ARPC1A: variants seen among roughly 807,000 people sequenced by gnomAD.
ARPC1A encodes the protein actin-related protein 2/3 complex subunit 1A.
ARPC1A carries 8 observed loss-of-function variants against 46.9 expected under a neutral mutation model. The observed-to-expected ratio is 0.17, with a 90% CI of 0.10 to 0.31. ARPC1A has a LOEUF of 0.31. ARPC1A is among the 10% of genes least tolerant of loss of function. The pLI, the probability that ARPC1A is intolerant of heterozygous loss-of-function variation, is 1.00. For missense variants in ARPC1A, 286 were observed against 483.6 expected, an observed-to-expected ratio of 0.59 and a Z score of 3.83; for synonymous variants, 152 against 169.0, an observed-to-expected ratio of 0.90 and a Z score of 0.78.
intron 8 of ARPC1A, among the ~76,000 whole-genome samples, chr7:99,360,965 C>T (rs1793730511): frequency 6.7e-6 from 1 of 148,302 alleles, no homozygotes; most frequent in Admixed American, 6.7e-5. Flanking sequence ...AAAAAGGCAC[C>T]TGGAGGAGAA....
Position 99,363,527 on chromosome 7 carries a change from C to T in ARPC1A, c.984-16C>T. On this transcript the variant is annotated splice_polypyrimidine_tract_variant and intron_variant, in intron 8 of 9. Transcript: ENST00000262942. ...ACTACATACCTTACGATCTCTTTTG[C>T]TTTGCTTTTTTTCAGTCAAGTCTCT... 1 of 1,602,128 alleles carries T rather than the reference C, an allele frequency of 6.2e-7. No homozygotes were observed. The highest frequency in any genetic ancestry group is 8.5e-7 in the Non-Finnish European group (1 of 1,170,426).
chr7:99,352,394 C>G (rs1793557953), intron 5 of ARPC1A, among the ~76,000 whole-genome samples: 1 of 152,146 alleles, frequency 6.6e-6, no homozygotes, highest in African/African-American at 2.4e-5. Context: ...CAGTGGCACA[C>G]ATCTGTAATC....
At position 99,339,681 on chromosome 7, in the gene ARPC1A, T is replaced by G. The variant is rs73709642; in HGVS notation, c.169+1396T>G. 9.5e-3 allele frequency among the ~76,000 whole-genome samples: 1,443 copies of G among 152,336 alleles called. 18 individuals carry two copies. The highest frequency in any genetic ancestry group is 0.033 in the African/African-American group (1,375 of 41,564). On this transcript the variant is annotated intron_variant, in intron 3 of 9. Coordinates refer to ENST00000262942, the MANE Select transcript of ARPC1A (RefSeq NM_006409.4). ...TCTATGTTGCTGTCTAGATCAAGTT[T>G]ATTCCTTTTAACCACTCTTTAGCAT...
chr7:99,331,887 C>G (rs1166835246), intron 1 of ARPC1A, among the ~76,000 whole-genome samples: 1 of 152,154 alleles, frequency 6.6e-6, no homozygotes. Flanking sequence ...CCACTGTACT[C>G]CAGTCTGGGC....
At chr7:99,340,440 G>GGT (rs1793338846) in intron 3 of ARPC1A, among the ~76,000 whole-genome samples, 1 of 145,854 alleles carries the variant, frequency 6.9e-6, no homozygotes, top group African/African-American at 2.6e-5. Context: ...TGAGATTACA[G>GGT]GTGTGACCCT....
chr7:99,348,278 C>T (rs1042830246), intron 4 of ARPC1A, among the ~76,000 whole-genome samples: 1 of 152,160 alleles, frequency 6.6e-6, no homozygotes, highest in Non-Finnish European at 1.5e-5. Context: ...CGAAATCTCA[C>T]GAAAACATAA....
rs566458567 is a variant in ARPC1A at position 99,356,421 on chromosome 7, A to T, written c.714-1919A>T. 9.3e-4 allele frequency among the ~76,000 whole-genome samples: 140 copies of T among 150,808 alleles called. 1 individual carries two copies. The highest frequency in any genetic ancestry group is 3.2e-3 in the African/African-American group (132 of 41,066). ...GGAGTTCGAGACCAGCATGGCCAACATGGAGAAACCCCGCCTCTACTAAAA... is the reference window on the plus strand; with the variant it reads ...GGAGTTCGAGACCAGCATGGCCAACTTGGAGAAACCCCGCCTCTACTAAAA... On this transcript the variant is annotated intron_variant, in intron 6 of 9. Transcript: ENST00000262942.
chr7:99,363,366 G>C (rs1793774539), intron 8 of ARPC1A, 177 bp from the exon 9 acceptor site: 2 of 574,754 alleles, frequency 3.5e-6, no homozygotes, highest in Non-Finnish European at 6.1e-6. Context: ...GATCACTTGA[G>C]CCCAGGAGTT....
At chr7:99,335,480 T>C (rs1182308910) in intron 2 of ARPC1A, 2 of 388,050 alleles carry the variant, frequency 5.2e-6, no homozygotes, top group African/African-American at 4.4e-5. Flanking sequence ...TACTATAGCT[T>C]GGTGGTAAGT....
rs1793833768 is a variant in ARPC1A at position 99,365,943 on chromosome 7, T to C, written c.*14T>C. On this transcript the variant is annotated 3_prime_UTR_variant, in exon 10 of 10. Coordinates refer to ENST00000262942, the MANE Select transcript of ARPC1A (RefSeq NM_006409.4). ...CGGATAATGTGAAGCTGAGTGAGCCTCCGCCATCCAGCATGACAAACTGTG... is the reference window on the plus strand; with the variant it reads ...CGGATAATGTGAAGCTGAGTGAGCCCCCGCCATCCAGCATGACAAACTGTG... 2 of 1,567,050 alleles carry C rather than the reference T, an allele frequency of 1.3e-6. No homozygotes were observed. The highest frequency in any genetic ancestry group is 1.9e-5 in the Admixed American group (1 of 53,356).
chr7:99,344,575 G>T, intron 4 of ARPC1A, 60 bp downstream of exon 4: 1 of 1,531,456 alleles, frequency 6.5e-7, no homozygotes, highest in Non-Finnish European at 9.0e-7. Context: ...GCACTGCTGT[G>T]TGAGGGCTCA....
In ARPC1A at chr7:99,353,457, C is replaced by CTTATTTATTTATTTAT. The variant is rs56733844; in HGVS notation, c.501-430_501-415dup. On this transcript the variant is annotated intron_variant, in intron 5 of 9. Coordinates refer to ENST00000262942, the MANE Select transcript of ARPC1A (RefSeq NM_006409.4). The stretch of plus-strand genomic sequence containing the variant: ...ACAGGCATGAGCCACCGCACCCAGC[C>CTTATTTATTTATTTAT]TTATTTATTTATTTATTTATTTATT... Among the ~76,000 whole-genome samples the CTTATTTATTTATTTAT allele has an allele frequency of 3.4e-3, 470 of 139,482 alleles. 5 individuals are homozygous for CTTATTTATTTATTTAT. The highest frequency in any genetic ancestry group is 0.01 in the African/African-American group (363 of 35,870). 91.5% of individuals were successfully genotyped at this position (139,482 alleles called of 152,430 possible).
rs529168094 is a variant in ARPC1A at position 99,339,946 on chromosome 7, C to T, written c.169+1661C>T. 35 of 455,436 alleles carry T rather than the reference C, an allele frequency of 7.7e-5. No individual in the cohort carries two copies. The East Asian group carries it at 2.2e-3, about 29-fold the overall frequency. The allele number at this position is 455,436 out of a possible 1,614,324, so 28.2% of individuals were successfully genotyped here. ...CTGTATGAGAGTGCTCATTTTCCCA[C>T]ACCCCGCCACATACTTGAGATGGGA... On this transcript the variant is annotated intron_variant, in intron 3 of 9. Transcript: ENST00000262942.
chr7:99,332,325 T>C (rs944744692), intron 1 of ARPC1A, among the ~76,000 whole-genome samples: 1 of 152,236 alleles, frequency 6.6e-6, no homozygotes, highest in African/African-American at 2.4e-5. Context: ...TAAGTGACGA[T>C]GTGTACTTCA....
chr7:99,331,268 G>A (rs1793139591), intron 1 of ARPC1A, among the ~76,000 whole-genome samples: 1 of 152,060 alleles, frequency 6.6e-6, no homozygotes, highest in African/African-American at 2.4e-5. Flanking sequence ...GGTGGTGCAT[G>A]CTTGTAGCCA....
At chr7:99,328,472 C>T (rs1025560010) in intron 1 of ARPC1A, among the ~76,000 whole-genome samples, 4 of 152,176 alleles carry the variant, frequency 2.6e-5, no homozygotes, top group African/African-American at 4.8e-5. Context: ...ATTTAATTCT[C>T]CTTGTGATCT....
intron 6 of ARPC1A, among the ~76,000 whole-genome samples, chr7:99,355,990 T>C (rs1793622465): frequency 6.6e-6 from 1 of 152,216 alleles, no homozygotes; most frequent in Non-Finnish European, 1.5e-5. Context: ...AGCCATAAAG[T>C]ACTTGGCCAG....
chr7:99,355,842 G>A (rs906670497), intron 6 of ARPC1A, among the ~76,000 whole-genome samples: 1 of 152,080 alleles, frequency 6.6e-6, no homozygotes, highest in African/African-American at 2.4e-5. Context: ...TATTCTTACT[G>A]GGGGAAGTCA....
intron 4 of ARPC1A, among the ~76,000 whole-genome samples, chr7:99,345,178 C>T (rs1476859961): frequency 3.3e-5 from 5 of 151,342 alleles, no homozygotes; most frequent in East Asian, 1.9e-4. Flanking sequence ...CATGATCCAC[C>T]GCCTCGGCCT....
Sources: gnomAD v4.1 joint callset for allele counts (sites outside exome capture counted in the v4.1 genomes callset) on GRCh38, gnomAD v4.1.1 for gene constraint, MANE v1.5 for transcripts, NCBI Gene and HGNC (gene_info 2026-07-23, HGNC 2026-07-21) for gene names.